Variants in AFF2 observed in about 807,000 individuals in gnomAD.
AFF2 encodes the protein AF4/FMR2 family member 2.
AFF2 carries 14 observed loss-of-function variants against 76.9 expected under a neutral mutation model. That is an observed-to-expected ratio of 0.18 (90% CI 0.12 to 0.28). AFF2 has a LOEUF of 0.28. AFF2 is among the 10% of genes least tolerant of loss of function. The pLI, the probability that AFF2 is intolerant of heterozygous loss-of-function variation, is 1.00. For missense variants in AFF2, 868 were observed against 1,001.1 expected, an observed-to-expected ratio of 0.87 and a Z score of 1.79; for synonymous variants, 398 against 366.7, an observed-to-expected ratio of 1.09 and a Z score of -0.98.
chrX:148,649,710 C>T (rs1309273470), intron 1 of AFF2, among the ~76,000 whole-genome samples: 3 of 112,221 alleles, frequency 2.7e-5, no homozygotes, highest in East Asian at 2.8e-4. Context: ...TACTGCTGAT[C>T]GTTTGAAAGG....
In AFF2 at chrX:148,809,915, T is replaced by C. The variant is rs782061892; in HGVS notation, c.1081T>C (p.Leu361=). Residue 361 remains leucine (L), a synonymous_variant, in exon 4 of 21, where the codon TTG becomes CTG. Transcript: ENST00000370460. ...TGATCCAAGCTGTGTTGAAGAAATC[T>C]TGCGGGTGAGTTTAAACCTTTATTT... ...PSDPSCVEEI[L]REMTHSWPTP... The C allele has an allele frequency of 1.7e-6, 2 of 1,210,638 alleles. No homozygotes were observed. Among genetic ancestry groups the C allele is most frequent in the East Asian group, 5.9e-5 (2 of 33,819 alleles).
intron 1 of AFF2, among the ~76,000 whole-genome samples, chrX:148,579,908 G>A (rs1320510765): frequency 9.0e-6 from 1 of 111,669 alleles, no homozygotes; most frequent in Non-Finnish European, 1.9e-5. Flanking sequence ...TGGAGTTCTT[G>A]TGTGTACTAA....
intron 3 of AFF2, among the ~76,000 whole-genome samples, chrX:148,720,497 T>TATAAGCCCAAC (rs1435268641): frequency 3.6e-5 from 4 of 110,911 alleles, no homozygotes; most frequent in Non-Finnish European, 7.6e-5. Flanking sequence ...TTATGAGTAT[T>TATAAGCCCAAC]TATAGTTGGT....
intron 19 of AFF2, among the ~76,000 whole-genome samples, chrX:148,986,812 A>G (rs2124430401): frequency 8.8e-6 from 1 of 113,158 alleles, no homozygotes; most frequent in Admixed American, 9.3e-5. Flanking sequence ...AGAAATCATC[A>G]TAGCTCTGAG....
At chrX:148,807,002 G>A (rs1473727839) in intron 3 of AFF2, among the ~76,000 whole-genome samples, 2 of 112,242 alleles carry the variant, frequency 1.8e-5, no homozygotes, top group African/African-American at 6.5e-5. Flanking sequence ...TCATGAGAAT[G>A]CTGGATTTTA....
intron 7 of AFF2, among the ~76,000 whole-genome samples, chrX:148,882,207 A>C (rs147324587): frequency 0.012 from 1,380 of 111,766 alleles, 25 homozygotes; most frequent in African/African-American, 0.042. Flanking sequence ...AGAATGTTTC[A>C]GTGCAAAGAG....
At chrX:148,705,047 G>A (rs983130244) in intron 3 of AFF2, among the ~76,000 whole-genome samples, 2 of 111,387 alleles carry the variant, frequency 1.8e-5, no homozygotes, top group African/African-American at 6.5e-5. Flanking sequence ...ATCCAGTACT[G>A]CCTGACAATT....
At chrX:148,754,730 G>A (rs2055540909) in intron 3 of AFF2, among the ~76,000 whole-genome samples, 1 of 111,554 alleles carries the variant, frequency 9.0e-6, no homozygotes, top group Non-Finnish European at 1.9e-5. Context: ...ACAAGGGGAT[G>A]TATAAAGTGC....
At chrX:148,926,200 T>C (rs1434023353) in intron 9 of AFF2, among the ~76,000 whole-genome samples, 2 of 111,875 alleles carry the variant, frequency 1.8e-5, no homozygotes, top group Non-Finnish European at 3.8e-5. Flanking sequence ...TCCCATGTAC[T>C]GTGCATTACG....
chrX:148,702,128 A>T (rs1469591226), intron 3 of AFF2, among the ~76,000 whole-genome samples: 3 of 111,155 alleles, frequency 2.7e-5, no homozygotes, highest in Non-Finnish European at 3.8e-5. Flanking sequence ...TGGATGTCAC[A>T]TTTTTTTTAT....
intron 3 of AFF2, among the ~76,000 whole-genome samples, chrX:148,730,973 G>A (rs1249718602): frequency 1.8e-5 from 2 of 111,763 alleles, no homozygotes; most frequent in Non-Finnish European, 3.8e-5. Context: ...ATCTGGGCAA[G>A]ACTTTAAAGG....
At chrX:148,895,583 G>A (rs1557280227) in intron 8 of AFF2, among the ~76,000 whole-genome samples, 1 of 108,556 alleles carries the variant, frequency 9.2e-6, no homozygotes, top group African/African-American at 3.4e-5. Context: ...GTGTGTGTGT[G>A]TGTGTGTGTG....
intron 9 of AFF2, among the ~76,000 whole-genome samples, chrX:148,951,185 A>G (rs1401498657): frequency 2.7e-5 from 3 of 110,414 alleles, no homozygotes; most frequent in Non-Finnish European, 5.7e-5. Context: ...ACACACGCAC[A>G]CACACACACA....
chrX:148,795,377 A>T (rs2069954084), intron 3 of AFF2, among the ~76,000 whole-genome samples: 1 of 111,106 alleles, frequency 9.0e-6, no homozygotes, highest in East Asian at 2.8e-4. Flanking sequence ...TGTAAAGCTT[A>T]TCATTACAGA....
chrX:148,809,866 T>C lies in AFF2; in HGVS notation c.1042-10T>C. 8.3e-6 allele frequency: 10 copies of C among 1,209,562 alleles called. No individual in the cohort carries two copies. The highest frequency in any genetic ancestry group is 1.1e-5 in the Non-Finnish European group (10 of 893,636). On this transcript the variant is annotated splice_polypyrimidine_tract_variant and intron_variant, in intron 3 of 20. Coordinates refer to ENST00000370460, the MANE Select transcript of AFF2 (RefSeq NM_002025.4). ...ATTGTGCCTAATGTTTTCTGTTTAT[T>C]TTGTTTCAGGTAAGCCTTCCCAGTG...
chrX:148,667,317 G>A (rs1557258587), intron 3 of AFF2, among the ~76,000 whole-genome samples: 1 of 111,921 alleles, frequency 8.9e-6, no homozygotes. Context: ...AGTAAACTCA[G>A]GTCCCTTGTG....
intron 7 of AFF2, among the ~76,000 whole-genome samples, chrX:148,857,188 A>T (rs1438321511): frequency 4.5e-5 from 5 of 112,217 alleles, no homozygotes; most frequent in Non-Finnish European, 9.4e-5. Context: ...CTTAGTAAAC[A>T]TATTGCTGAG....
intron 1 of AFF2, among the ~76,000 whole-genome samples, chrX:148,523,179 C>T (rs1482030164): frequency 1.8e-5 from 2 of 111,978 alleles, no homozygotes; most frequent in African/African-American, 6.5e-5. Context: ...ATAAAATGAG[C>T]AGAATGAAGC....
chrX:148,584,057 G>C (rs924605866), intron 1 of AFF2, among the ~76,000 whole-genome samples: 1 of 111,647 alleles, frequency 9.0e-6, no homozygotes, highest in Admixed American at 9.5e-5. Flanking sequence ...GCTTATTTCT[G>C]TTTGAATTCC....
Sources: gnomAD v4.1 joint callset for allele counts (sites outside exome capture counted in the v4.1 genomes callset) on GRCh38, gnomAD v4.1.1 for gene constraint, MANE v1.5 for transcripts, NCBI Gene and HGNC (gene_info 2026-07-23, HGNC 2026-07-21) for gene names.